The following RBM20 variants were observed in gnomAD, a reference collection of about 807,000 sequenced individuals.
RBM20 encodes RNA-binding protein 20.
Under a neutral mutation model 110.1 loss-of-function variants are expected in RBM20, and 51 were observed. That is an observed-to-expected ratio of 0.46 (90% CI 0.37 to 0.59). RBM20 has a LOEUF of 0.59. Among genes scored for constraint, RBM20 ranks in the 20% least tolerant of loss-of-function variants. The probability of loss-of-function intolerance (pLI) is 0.00; values close to 1 mark genes in which losing one functional copy is unlikely to be tolerated. For synonymous variants in RBM20, 589 were observed against 618.2 expected (o/e 0.95, Z 0.70); for missense variants, 1,512 against 1,574.9 (o/e 0.96, Z 0.68).
At chr10:110,802,142 C>T (rs903299925) in intron 7 of RBM20, among the ~76,000 whole-genome samples, 1 of 152,208 alleles carries the variant, frequency 6.6e-6, no homozygotes, top group Non-Finnish European at 1.5e-5. Flanking sequence ...TTCACTTTAG[C>T]TCATTCCACA....
chr10:110,776,796 C>G (rs772925187), intron 1 of RBM20, among the ~76,000 whole-genome samples: 1 of 152,190 alleles, frequency 6.6e-6, no homozygotes, highest in Non-Finnish European at 1.5e-5. Context: ...TATTATTCAG[C>G]CTACTGCAGG....
chr10:110,710,235 G>T (rs143197633), intron 1 of RBM20, among the ~76,000 whole-genome samples: 10 of 152,292 alleles, frequency 6.6e-5, no homozygotes, highest in African/African-American at 2.4e-4. Context: ...ATTTGAGGTG[G>T]GTTTTCGCGC....
intron 1 of RBM20, among the ~76,000 whole-genome samples, chr10:110,759,256 G>A (rs1452277969): frequency 6.6e-6 from 1 of 152,122 alleles, no homozygotes; most frequent in Admixed American, 6.5e-5. Flanking sequence ...CCTTCAAGGT[G>A]TCTCTTTGTA....
At chr10:110,743,930 A>G (rs1453467988) in intron 1 of RBM20, among the ~76,000 whole-genome samples, 1 of 151,812 alleles carries the variant, frequency 6.6e-6, no homozygotes, top group African/African-American at 2.4e-5. Context: ...TTTTATTTTT[A>G]TTTGGTGTTC....
At chr10:110,685,069 C>T (rs531966492) in intron 1 of RBM20, among the ~76,000 whole-genome samples, 55 of 152,308 alleles carry the variant, frequency 3.6e-4, no homozygotes, top group African/African-American at 1.3e-3. Flanking sequence ...ATTTGTAAAA[C>T]GAGGCGAATG....
chr10:110,723,110 T>TA (rs575216610), intron 1 of RBM20, among the ~76,000 whole-genome samples: 380 of 128,102 alleles, frequency 3.0e-3, no homozygotes, highest in African/African-American at 5.6e-3. Flanking sequence ...AGACTCCATC[T>TA]AAAAAAAAAA....
chr10:110,839,325 A>T lies in RBM20; in HGVS notation c.*3347A>T, dbSNP rs1018106650. 1 of 152,210 alleles carries T rather than the reference A, an allele frequency of 6.6e-6. No homozygotes were observed. Among genetic ancestry groups the T allele is most frequent in the South Asian group, 2.1e-4 (1 of 4,832 alleles). The allele number at this position is 152,210 out of a possible 1,614,324, so 9.4% of individuals were successfully genotyped here. On this transcript the variant is annotated 3_prime_UTR_variant, in exon 14 of 14. Transcript: ENST00000369519. ...ATGAGAAAAACCAAAACACTAAGTTAAGTTTGAACTTGTAAAGTATTGAAA... is the reference window on the plus strand; with the variant it reads ...ATGAGAAAAACCAAAACACTAAGTTTAGTTTGAACTTGTAAAGTATTGAAA...
intron 1 of RBM20, among the ~76,000 whole-genome samples, chr10:110,733,756 AG>A (rs1314965626): frequency 3.3e-5 from 5 of 152,214 alleles, no homozygotes; most frequent in Admixed American, 6.5e-5. Context: ...CAGAATGCCC[AG>A]GAACTGCTCG....
At chr10:110,716,623 A>G (rs1863021119) in intron 1 of RBM20, among the ~76,000 whole-genome samples, 1 of 151,942 alleles carries the variant, frequency 6.6e-6, no homozygotes, top group South Asian at 2.1e-4. Flanking sequence ...TATAGAGTAA[A>G]AGAATTATGG....
At chr10:110,780,601 A>G (rs2135040055) in intron 1 of RBM20, among the ~76,000 whole-genome samples, 200 bp from the exon 2 acceptor site, 1 of 144,808 alleles carries the variant, frequency 6.9e-6, no homozygotes, top group South Asian at 2.2e-4. Flanking sequence ...ACGTTCTGTC[A>G]TATAATTTTT....
chr10:110,670,156 T>A (rs969580618), intron 1 of RBM20, among the ~76,000 whole-genome samples: 1 of 152,232 alleles, frequency 6.6e-6, no homozygotes, highest in Non-Finnish European at 1.5e-5. Context: ...AGTGGTATCA[T>A]CTCTCTTTGC....
intron 1 of RBM20, among the ~76,000 whole-genome samples, chr10:110,767,808 G>A (rs12414842): frequency 4.6e-5 from 7 of 151,922 alleles, no homozygotes; most frequent in African/African-American, 1.7e-4. Flanking sequence ...TCCTAGATGG[G>A]ATGGCGGCGG....
intron 1 of RBM20, among the ~76,000 whole-genome samples, chr10:110,771,701 G>A (rs1488416516): frequency 1.3e-5 from 2 of 152,172 alleles, no homozygotes; most frequent in African/African-American, 2.4e-5. Flanking sequence ...GCCTGGAGGA[G>A]GTGTCCTGTG....
intron 1 of RBM20, among the ~76,000 whole-genome samples, chr10:110,761,466 T>TTAA (rs577150078): frequency 6.4e-4 from 89 of 140,152 alleles, no homozygotes; most frequent in African/African-American, 2.2e-3. Flanking sequence ...AATGGCAGCA[T>TTAA]AGTATGTCCT....
chr10:110,839,441 A>G lies in RBM20; in HGVS notation c.*3463A>G, dbSNP rs1446633363. 6.6e-6 allele frequency: 1 copy of G among 152,152 alleles called. No homozygotes were observed. Among genetic ancestry groups the G allele is most frequent in the Non-Finnish European group, 1.5e-5 (1 of 68,040 alleles). The allele number at this position is 152,152 out of a possible 1,614,324, so 9.4% of individuals were successfully genotyped here. The stretch of plus-strand genomic sequence containing the variant: ...GTTTTTACAAAAGAGAAAAGAAAAG[A>G]TTTTTAATAAAGAGAATTTGAAAGC... On this transcript the variant is annotated 3_prime_UTR_variant, in exon 14 of 14. Transcript: ENST00000369519.
At chr10:110,654,617 G>A (rs561455791) in intron 1 of RBM20, among the ~76,000 whole-genome samples, 3 of 151,850 alleles carry the variant, frequency 2.0e-5, no homozygotes, top group South Asian at 2.1e-4. Flanking sequence ...GGTGAGTCTT[G>A]GGGCTGGTCA....
rs79721744 is a variant in RBM20 at position 110,734,836 on chromosome 10, C to T, written c.192-45965C>T. Reference sequence around the variant, plus strand: ...GCAACTTTACTTTCCACAGTTTTAGCGACTTTTGGTCAACTACAATCTGAA... The same window carrying T: ...GCAACTTTACTTTCCACAGTTTTAGTGACTTTTGGTCAACTACAATCTGAA... On this transcript the variant is annotated intron_variant, in intron 1 of 13. Coordinates refer to ENST00000369519, the MANE Select transcript of RBM20 (RefSeq NM_001134363.3). Among the ~76,000 whole-genome samples, 1,519 of 152,188 alleles carry T rather than the reference C, an allele frequency of 1.0e-2. 11 individuals are homozygous for T. The highest frequency in any genetic ancestry group is 0.024 in the South Asian group (114 of 4,812).
Position 110,681,599 on chromosome 10 carries a change from C to T in RBM20, c.191+36954C>T, listed in dbSNP as rs187500156. On this transcript the variant is annotated intron_variant, in intron 1 of 13. Coordinates refer to ENST00000369519, the MANE Select transcript of RBM20 (RefSeq NM_001134363.3). ...CCTAGAAATGGCAGCTGCTGCTGCT[C>T]CCCGTTAGCCTGAGGTCGGGTGAGG... Among the ~76,000 whole-genome samples, 50 of 152,300 alleles carry T rather than the reference C, an allele frequency of 3.3e-4. 1 individual carries two copies. The highest frequency in any genetic ancestry group is 9.1e-4 in the African/African-American group (38 of 41,572).
chr10:110,833,627 G>A (rs1277586068), intron 13 of RBM20, among the ~76,000 whole-genome samples: 1 of 152,178 alleles, frequency 6.6e-6, no homozygotes, highest in Non-Finnish European at 1.5e-5. Context: ...ACTTGCCAGG[G>A]CCTCTAATTC....
Sources: gnomAD v4.1 joint callset for allele counts (sites outside exome capture counted in the v4.1 genomes callset) on GRCh38, gnomAD v4.1.1 for gene constraint, MANE v1.5 for transcripts, NCBI Gene and HGNC (gene_info 2026-07-23, HGNC 2026-07-21) for gene names.